The following CERS3 variants were observed in gnomAD, a reference collection of about 807,000 sequenced individuals.
The protein encoded by CERS3 is LAG1 homolog, ceramide synthase 3.
Under a neutral mutation model 50.3 loss-of-function variants are expected in CERS3, and 33 were observed. The observed-to-expected ratio is 0.66, with a 90% CI of 0.50 to 0.88. The LOEUF (loss-of-function observed/expected upper bound fraction) is 0.88, where lower values mean the gene tolerates loss of function less well. CERS3 is among the 40% of genes least tolerant of loss of function. The pLI is 0.00. For synonymous variants in CERS3, 176 were observed against 155.2 expected (o/e 1.13, Z -0.99); for missense variants, 470 against 460.3 (o/e 1.02, Z -0.19).
At chr15:100,501,582 A>T in intron 3 of CERS3, 95 bp downstream of exon 3, 1 of 1,099,670 alleles carries the variant, frequency 9.1e-7, no homozygotes. Context: ...TCTGAACAAC[A>T]GATTCTTTAA....
At chr15:100,411,443 T>G (rs2031484827) in intron 11 of CERS3, among the ~76,000 whole-genome samples, 2 of 152,318 alleles carry the variant, frequency 1.3e-5, no homozygotes, top group South Asian at 4.1e-4. Flanking sequence ...ATTACAGACG[T>G]GAGCCACCGT....
intron 7 of CERS3, among the ~76,000 whole-genome samples, 180 bp from the exon 8 acceptor site, chr15:100,476,358 T>C (rs1474969071): frequency 1.3e-5 from 2 of 152,220 alleles, no homozygotes; most frequent in Non-Finnish European, 2.9e-5. Flanking sequence ...AGGCATTTTA[T>C]TTCTAAAAGG....
chr15:100,477,878 G>A (rs2142260945), intron 7 of CERS3, among the ~76,000 whole-genome samples: 1 of 152,310 alleles, frequency 6.6e-6, no homozygotes, highest in East Asian at 1.9e-4. Flanking sequence ...CCTTCACAAA[G>A]ACTGAAGTCT....
rs1267906519 is a variant in CERS3 at position 100,483,781 on chromosome 15, A to AT, written c.407+768dup. ...AGGATCAATAATAATAATAATTATT[A>AT]TTATTATTTTTTTTTTTGAGACAGA... On this transcript the variant is annotated intron_variant, in intron 5 of 11. Coordinates refer to ENST00000679737, the MANE Select transcript of CERS3 (RefSeq NM_001378789.1). Among the ~76,000 whole-genome samples, 293 of 77,540 alleles carry AT rather than the reference A, an allele frequency of 3.8e-3. 6 individuals carry two copies. The highest frequency in any genetic ancestry group is 8.3e-3 in the South Asian group (16 of 1,926). The allele number at this position is 77,540 out of a possible 152,430, so 50.9% of individuals were successfully genotyped here.
chr15:100,510,415 A>G (rs570997760), intron 2 of CERS3, among the ~76,000 whole-genome samples: 1 of 152,356 alleles, frequency 6.6e-6, no homozygotes, highest in South Asian at 2.1e-4. Context: ...GCCTGGAAGA[A>G]ATTCATAATA....
intron 2 of CERS3, among the ~76,000 whole-genome samples, chr15:100,513,172 G>A (rs1303262539): frequency 6.6e-6 from 1 of 152,158 alleles, no homozygotes; most frequent in Non-Finnish European, 1.5e-5. Context: ...AATATACTGT[G>A]ATCTAGGTTG....
chr15:100,415,317 T>G (rs2031814552), intron 11 of CERS3, among the ~76,000 whole-genome samples: 1 of 152,118 alleles, frequency 6.6e-6, no homozygotes, highest in Non-Finnish European at 1.5e-5. Flanking sequence ...GCTTTTATAC[T>G]GTTATTGGGA....
intron 1 of CERS3, among the ~76,000 whole-genome samples, chr15:100,525,278 T>C (rs970624604): frequency 3.9e-5 from 6 of 152,186 alleles, no homozygotes; most frequent in African/African-American, 1.4e-4. Context: ...TTGAAACATA[T>C]AATCCACCAC....
chr15:100,423,737 C>A (rs1442169603), intron 11 of CERS3, among the ~76,000 whole-genome samples: 1 of 152,212 alleles, frequency 6.6e-6, no homozygotes, highest in Non-Finnish European at 1.5e-5. Context: ...TGTACATGTG[C>A]CCCCTGAACC....
intron 10 of CERS3, among the ~76,000 whole-genome samples, chr15:100,462,771 G>A (rs2034592270): frequency 6.6e-6 from 1 of 152,184 alleles, no homozygotes; most frequent in African/African-American, 2.4e-5. Flanking sequence ...GAAGAGGTAA[G>A]CAACTGTTCC....
intron 11 of CERS3, among the ~76,000 whole-genome samples, chr15:100,418,735 G>A (rs988717356): frequency 4.8e-4 from 65 of 135,802 alleles, no homozygotes; most frequent in African/African-American, 1.5e-3. Context: ...CAGATCTCTC[G>A]GCAGAAACCC....
At position 100,516,873 on chromosome 15, in the gene CERS3, A is replaced by C. The variant is rs76850021; in HGVS notation, c.-2+4794T>G. On this transcript the variant is annotated intron_variant, in intron 2 of 11. Transcript: ENST00000679737. ...GGGCCTCACCTGGGAGAATGCCCAG[A>C]TCTCCCTCCCAACCTCAGCAAACAA... Among the ~76,000 whole-genome samples, 1,106 of 152,364 alleles carry C rather than the reference A, an allele frequency of 7.3e-3. 5 individuals are homozygous for C. Among genetic ancestry groups the C allele is most frequent in the Non-Finnish European group, 0.013 (870 of 68,044 alleles).
rs576393428 is a variant in CERS3 at position 100,482,599 on chromosome 15, ATTT to A, written c.407+1948_407+1950del. ...AAGTGGTCAGCTAATGTGGAATTTG[ATTT>A]TTTTTTTTTAAAAAAAAGGGCCCAT... On this transcript the variant is annotated intron_variant, in intron 5 of 11. Transcript: ENST00000679737. Among the ~76,000 whole-genome samples the A allele has an allele frequency of 3.7e-4, 10 of 27,072 alleles. 1 individual carries two copies. The highest frequency in any genetic ancestry group is 2.3e-3 in the Admixed American group (5 of 2,212). 17.8% of individuals were successfully genotyped at this position (27,072 alleles called of 152,430 possible).
At chr15:100,442,557 G>A (rs533479178) in intron 11 of CERS3, among the ~76,000 whole-genome samples, 2 of 152,284 alleles carry the variant, frequency 1.3e-5, no homozygotes, top group African/African-American at 4.8e-5. Flanking sequence ...CCAGGAGCTT[G>A]CTACAAGTGC....
intron 2 of CERS3, 137 bp from the exon 3 acceptor site, chr15:100,501,987 C>T (rs1455537321): frequency 3.8e-6 from 3 of 797,620 alleles, no homozygotes; most frequent in Middle Eastern, 2.6e-4. Flanking sequence ...TGGCTCACAC[C>T]TGCAATATCA....
At chr15:100,498,186 G>A (rs1010036140) in intron 3 of CERS3, among the ~76,000 whole-genome samples, 1 of 151,998 alleles carries the variant, frequency 6.6e-6, no homozygotes, top group African/African-American at 2.4e-5. Flanking sequence ...GAGCCACCGC[G>A]CCCGGCCAAA....
chr15:100,429,719 T>G (rs2033015303), intron 11 of CERS3, among the ~76,000 whole-genome samples: 1 of 152,144 alleles, frequency 6.6e-6, no homozygotes, highest in African/African-American at 2.4e-5. Flanking sequence ...GATCCTCACA[T>G]GACACAGCAC....
intron 9 of CERS3, among the ~76,000 whole-genome samples, chr15:100,470,707 C>CAGTGAGT (rs2034941107): frequency 6.6e-6 from 1 of 152,090 alleles, no homozygotes; most frequent in Non-Finnish European, 1.5e-5. Flanking sequence ...GACAGCAGCC[C>CAGTGAGT]CTTTGCTTGC....
chr15:100,407,663 T>C (rs1306714456), intron 11 of CERS3, among the ~76,000 whole-genome samples: 2 of 152,116 alleles, frequency 1.3e-5, no homozygotes, highest in South Asian at 2.1e-4. Context: ...GTCAAAAATA[T>C]TCAGGAAAAA....
Sources: allele counts gnomAD v4.1 joint callset (sites outside exome capture counted in the v4.1 genomes callset), GRCh38; gene constraint gnomAD v4.1.1; transcripts MANE v1.5; gene names NCBI Gene and HGNC (gene_info 2026-07-23, HGNC 2026-07-21).